The following HTR2C variants were observed in gnomAD, a reference collection of about 807,000 sequenced individuals.
The protein encoded by HTR2C is 5-hydroxytryptamine receptor 2C.
HTR2C carries 5 observed loss-of-function variants against 21.0 expected under a neutral mutation model. The ratio of observed to expected loss-of-function variants is 0.24; its 90% confidence interval spans 0.12 to 0.50. The LOEUF is 0.50. Among genes scored for constraint, HTR2C ranks in the 20% least tolerant of loss-of-function variants. The probability of loss-of-function intolerance (pLI) is 0.98; values close to 1 mark genes in which losing one functional copy is unlikely to be tolerated. For synonymous variants in HTR2C, 150 were observed against 145.3 expected (o/e 1.03, Z -0.23); for missense variants, 271 against 371.2 (o/e 0.73, Z 2.22).
chrX:114,614,148 G>A (rs1256593143), intron 2 of HTR2C, among the ~76,000 whole-genome samples: 3 of 110,937 alleles, frequency 2.7e-5, no homozygotes, highest in East Asian at 5.6e-4. Flanking sequence ...AACCACCACC[G>A]CAGATTTATA....
intron 2 of HTR2C, among the ~76,000 whole-genome samples, chrX:114,644,370 T>A (rs1250555937): frequency 0.012 from 519 of 42,984 alleles, 4 homozygotes; most frequent in African/African-American, 0.014. Context: ...TAAATATATA[T>A]ATATATATAT....
At chrX:114,818,493 G>T (rs782812848) in intron 4 of HTR2C, among the ~76,000 whole-genome samples, 1 of 111,670 alleles carries the variant, frequency 9.0e-6, no homozygotes, top group Non-Finnish European at 1.9e-5. Context: ...TGTGTGCCTG[G>T]ATTATTTTTT....
At chrX:114,778,994 AG>A (rs2147398414) in intron 4 of HTR2C, among the ~76,000 whole-genome samples, 1 of 112,354 alleles carries the variant, frequency 8.9e-6, no homozygotes, top group East Asian at 2.8e-4. Context: ...CAGAATTAAA[AG>A]TTCCGTATAT....
At chrX:114,741,766 T>C (rs1402298565) in intron 4 of HTR2C, among the ~76,000 whole-genome samples, 4 of 108,498 alleles carry the variant, frequency 3.7e-5, no homozygotes, top group African/African-American at 1.3e-4. Context: ...ATTCAATCAA[T>C]AACTCTGTAA....
chrX:114,610,990 G>A (rs919117029), intron 1 of HTR2C, among the ~76,000 whole-genome samples: 1 of 111,730 alleles, frequency 9.0e-6, no homozygotes, highest in Non-Finnish European at 1.9e-5. Flanking sequence ...TAAAACGTTA[G>A]AGACCTCAGA....
At chrX:114,760,646 A>G (rs782377532) in intron 4 of HTR2C, among the ~76,000 whole-genome samples, 1 of 111,187 alleles carries the variant, frequency 9.0e-6, no homozygotes, top group East Asian at 2.8e-4. Flanking sequence ...CCTCCCAAGT[A>G]GTTGGGACAA....
intron 5 of HTR2C, among the ~76,000 whole-genome samples, chrX:114,901,461 TAGC>T (rs1204623805): frequency 8.9e-6 from 1 of 111,758 alleles, no homozygotes; most frequent in Non-Finnish European, 1.9e-5. Context: ...GTAGTTATAA[TAGC>T]AGTAGTAGTT....
intron 4 of HTR2C, among the ~76,000 whole-genome samples, chrX:114,763,031 G>A (rs1048240000): frequency 8.9e-6 from 1 of 112,081 alleles, no homozygotes; most frequent in Non-Finnish European, 1.9e-5. Flanking sequence ...GGGCTTTCAT[G>A]GAGCACACAT....
chrX:114,743,239 A>G (rs1294610252), intron 4 of HTR2C, among the ~76,000 whole-genome samples: 2 of 103,941 alleles, frequency 1.9e-5, no homozygotes, highest in Non-Finnish European at 3.9e-5. Flanking sequence ...CTTTGGGTAT[A>G]TACCCAGTAA....
intron 4 of HTR2C, among the ~76,000 whole-genome samples, chrX:114,792,794 T>C (rs1556444020): frequency 8.9e-6 from 1 of 111,939 alleles, no homozygotes; most frequent in Admixed American, 9.5e-5. Flanking sequence ...TTCTTAACTT[T>C]TTAATCATCA....
At chrX:114,904,304 C>T (rs1465392623) in intron 5 of HTR2C, among the ~76,000 whole-genome samples, 1 of 111,532 alleles carries the variant, frequency 9.0e-6, no homozygotes, top group Non-Finnish European at 1.9e-5. Flanking sequence ...ACTCATCATC[C>T]AGCTCCAAGA....
intron 2 of HTR2C, among the ~76,000 whole-genome samples, chrX:114,675,733 C>T (rs1383655900): frequency 2.7e-5 from 3 of 111,817 alleles, no homozygotes; most frequent in Non-Finnish European, 5.6e-5. Context: ...CCCAATGTGC[C>T]AGAAAGAAAT....
At chrX:114,793,741 T>TCATC (rs1285405501) in intron 4 of HTR2C, among the ~76,000 whole-genome samples, 10 of 109,986 alleles carry the variant, frequency 9.1e-5, no homozygotes, top group South Asian at 3.8e-4. Context: ...TTTTATTTAT[T>TCATC]CATCCATCCA....
At chrX:114,802,665 T>C (rs2070357354) in intron 4 of HTR2C, among the ~76,000 whole-genome samples, 1 of 107,891 alleles carries the variant, frequency 9.3e-6, no homozygotes, top group Admixed American at 1.0e-4. Flanking sequence ...CCTGATTTTA[T>C]TGCCATGCTA....
Position 114,854,257 on chromosome X carries a change from A to G in HTR2C, c.550+6054A>G, listed in dbSNP as rs782087759. ...TCCATCAGCATTTAATGTCTTTGAA[A>G]TTAAAATTGAAATTTTAAATTATTT... is the stretch of plus-strand genomic sequence containing the variant. On this transcript the variant is annotated intron_variant, in intron 5 of 5. Coordinates refer to ENST00000276198, the MANE Select transcript of HTR2C (RefSeq NM_000868.4). Among the ~76,000 whole-genome samples the G allele has an allele frequency of 2.7e-5, 3 of 111,700 alleles. No homozygotes were observed. In the Admixed American group the frequency reaches 2.9e-4, roughly 11 times the overall value.
chrX:114,838,635 G>A (rs1204668181), intron 4 of HTR2C, among the ~76,000 whole-genome samples: 1 of 111,678 alleles, frequency 9.0e-6, no homozygotes, highest in African/African-American at 3.3e-5. Flanking sequence ...ATATAAAAAT[G>A]TCTTATGAAG....
intron 2 of HTR2C, among the ~76,000 whole-genome samples, chrX:114,724,733 T>G (rs1933379540): frequency 9.3e-6 from 1 of 107,668 alleles, no homozygotes. Flanking sequence ...TCTCTCAGCA[T>G]TTGCTTGCCT....
chrX:114,866,037 G>T (rs1328091937), intron 5 of HTR2C, among the ~76,000 whole-genome samples: 1 of 110,882 alleles, frequency 9.0e-6, no homozygotes, highest in African/African-American at 3.3e-5. Flanking sequence ...GGCTGGTCTC[G>T]AACTCCTGAC....
chrX:114,850,355 G>T (rs933460159), intron 5 of HTR2C, among the ~76,000 whole-genome samples: 1 of 111,159 alleles, frequency 9.0e-6, no homozygotes, highest in Non-Finnish European at 1.9e-5. Context: ...TCTGCAGTGA[G>T]CTGAGATCAT....
Sources: gnomAD v4.1 joint callset for allele counts (sites outside exome capture counted in the v4.1 genomes callset) on GRCh38, gnomAD v4.1.1 for gene constraint, MANE v1.5 for transcripts, NCBI Gene and HGNC (gene_info 2026-07-23, HGNC 2026-07-21) for gene names.